KATNA1: variants seen among roughly 807,000 people sequenced by gnomAD.
KATNA1 encodes the protein katanin p60 ATPase-containing subunit A1.
KATNA1 carries 42 observed loss-of-function variants against 62.6 expected under a neutral mutation model. The ratio of observed to expected loss-of-function variants is 0.67; its 90% CI spans 0.52 to 0.87. KATNA1 has a LOEUF of 0.87. Ranked by LOEUF, KATNA1 falls within the 40% of genes least tolerant of loss-of-function variation. The pLI is 0.00. For missense variants in KATNA1, 498 were observed against 612.5 expected (o/e 0.81, Z 1.97); for synonymous variants, 186 against 201.9 (o/e 0.92, Z 0.67).
In KATNA1 at chr6:149,595,000, C is replaced by T. The variant is rs758267633; in HGVS notation, c.*36G>A. 6.5e-7 allele frequency: 1 copy of T among 1,532,012 alleles called. No homozygotes were observed. Among genetic ancestry groups the T allele is most frequent in the South Asian group, 1.1e-5 (1 of 88,944 alleles). 94.9% of individuals were successfully genotyped at this position (1,532,012 alleles called of 1,614,324 possible). ...AATTACTGCATTTAATATTCAAACA[C>T]TTAAGGCACATTTCTCACAGTTTAC... On this transcript the variant is annotated 3_prime_UTR_variant, in exon 11 of 11. Coordinates refer to ENST00000367411, the MANE Select transcript of KATNA1 (RefSeq NM_007044.4).
In KATNA1 at chr6:149,631,780, T is replaced by C. The variant is rs886636874; in HGVS notation, c.320+979A>G. On this transcript the variant is annotated intron_variant, in intron 3 of 10. Transcript: ENST00000367411. ...GTAAGTGAAATAGATAACATCCACC[T>C]GCACACTTGTCAGTTGAAAAATGTG... is the stretch of plus-strand genomic sequence containing the variant. 2.0e-5 allele frequency among the ~76,000 whole-genome samples: 3 copies of C among 152,330 alleles called. No individual in the cohort carries two copies. In the East Asian group the frequency reaches 5.8e-4, roughly 29 times the overall value.
At chr6:149,596,794 C>T (rs751060408) in intron 10 of KATNA1, among the ~76,000 whole-genome samples, 21 of 152,046 alleles carry the variant, frequency 1.4e-4, no homozygotes, top group Non-Finnish European at 2.5e-4. Context: ...AACTCCTGGG[C>T]TCAAGTGATC....
intron 8 of KATNA1, 187 bp downstream of exon 8, chr6:149,598,037 G>C (rs375901748): frequency 6.8e-6 from 4 of 587,800 alleles, no homozygotes; most frequent in East Asian, 2.9e-5. Flanking sequence ...TGTCACCACT[G>C]TCAGTGTACC....
At chr6:149,616,549 CAA>C (rs1779172370) in intron 4 of KATNA1, among the ~76,000 whole-genome samples, 1 of 152,178 alleles carries the variant, frequency 6.6e-6, no homozygotes, top group African/African-American at 2.4e-5. Flanking sequence ...CATCTGAGGT[CAA>C]GAGTTCAAGA....
intron 4 of KATNA1, among the ~76,000 whole-genome samples, chr6:149,621,270 C>G (rs1033720655): frequency 2.0e-5 from 3 of 151,290 alleles, no homozygotes; most frequent in Admixed American, 6.6e-5. Context: ...ACTACAGGCG[C>G]CTGCCACCTC....
intron 1 of KATNA1, among the ~76,000 whole-genome samples, chr6:149,645,467 A>G (rs573925711): frequency 2.0e-5 from 3 of 151,696 alleles, no homozygotes; most frequent in South Asian, 4.2e-4. Flanking sequence ...AAAAAAAAAA[A>G]AAAGAAAGAA....
At chr6:149,640,614 C>A (rs1780242871) in intron 1 of KATNA1, among the ~76,000 whole-genome samples, 1 of 151,984 alleles carries the variant, frequency 6.6e-6, no homozygotes, top group African/African-American at 2.4e-5. Flanking sequence ...GTGGCGCAAT[C>A]TCGGCTCACT....
At chr6:149,637,028 C>T (rs1242529555) in intron 2 of KATNA1, among the ~76,000 whole-genome samples, 2 of 152,044 alleles carry the variant, frequency 1.3e-5, no homozygotes, top group East Asian at 1.9e-4. Flanking sequence ...GTAAGTTCTA[C>T]AATTTCCAAT....
rs200082954 is a variant in KATNA1 at position 149,623,094 on chromosome 6, A to G, written c.501+9T>C. The G allele has an allele frequency of 1.2e-4, 189 of 1,535,904 alleles. No individual in the cohort carries two copies. In the African/African-American group the frequency reaches 2.2e-3, roughly 18 times the overall value. On this transcript the variant is annotated intron_variant, in intron 4 of 10. Transcript: ENST00000367411. ...TAACTTTCATTTATAAAAATCAATTAACATTTACCTTTTCCTCTCTTCCTT... is the reference window on the plus strand; with the variant it reads ...TAACTTTCATTTATAAAAATCAATTGACATTTACCTTTTCCTCTCTTCCTT...
At chr6:149,614,061 C>G (rs1779071386) in intron 4 of KATNA1, among the ~76,000 whole-genome samples, 1 of 152,168 alleles carries the variant, frequency 6.6e-6, no homozygotes, top group South Asian at 2.1e-4. Context: ...GGAAAAAAAT[C>G]CTGTTCTTTA....
chr6:149,630,607 G>A (rs943941023), intron 3 of KATNA1, among the ~76,000 whole-genome samples: 8 of 152,082 alleles, frequency 5.3e-5, no homozygotes, highest in African/African-American at 1.9e-4. Context: ...CAGCCTGGGC[G>A]AAAGAGCAAG....
intron 3 of KATNA1, among the ~76,000 whole-genome samples, chr6:149,627,920 C>A (rs1779680587): frequency 6.6e-6 from 1 of 151,818 alleles, no homozygotes; most frequent in African/African-American, 2.4e-5. Flanking sequence ...AACTTAGGTT[C>A]CAGAGGCTGT....
At chr6:149,615,540 A>G (rs1445602463) in intron 4 of KATNA1, among the ~76,000 whole-genome samples, 2 of 152,142 alleles carry the variant, frequency 1.3e-5, no homozygotes, top group Non-Finnish European at 2.9e-5. Flanking sequence ...ACAGATAGGC[A>G]TATAAAGACT....
intron 3 of KATNA1, among the ~76,000 whole-genome samples, chr6:149,624,785 A>G (rs183684185): frequency 2.0e-5 from 3 of 151,832 alleles, no homozygotes; most frequent in Non-Finnish European, 4.4e-5. Flanking sequence ...GGGGAAAACA[A>G]ACAAACAAAA....
At chr6:149,640,214 T>C (rs1393716279) in intron 1 of KATNA1, among the ~76,000 whole-genome samples, 1 of 152,208 alleles carries the variant, frequency 6.6e-6, no homozygotes, top group Non-Finnish European at 1.5e-5. Flanking sequence ...TGAAACTTTC[T>C]ATATATGAGA....
intron 9 of KATNA1, 44 bp downstream of exon 9, chr6:149,597,463 C>T: frequency 1.2e-6 from 2 of 1,602,092 alleles, no homozygotes; most frequent in Non-Finnish European, 1.7e-6. Context: ...AACAAAACTA[C>T]ATGAAAGTTA....
intron 3 of KATNA1, 75 bp downstream of exon 3, chr6:149,632,684 C>A (rs1779894986): frequency 7.9e-6 from 10 of 1,264,004 alleles, no homozygotes; most frequent in South Asian, 3.5e-5. Context: ...TCTCAGCCAC[C>A]CCATCCTCCT....
intron 1 of KATNA1, among the ~76,000 whole-genome samples, chr6:149,645,456 C>CAAAAAA (rs201041700): frequency 2.4e-5 from 3 of 123,788 alleles, no homozygotes; most frequent in African/African-American, 5.9e-5. Context: ...AAACAAAAAA[C>CAAAAAA]AAAAAAAAAA....
intron 4 of KATNA1, among the ~76,000 whole-genome samples, chr6:149,610,297 C>CA (rs538165106): frequency 0.012 from 1,394 of 114,670 alleles, 12 homozygotes; most frequent in Non-Finnish European, 0.015. Flanking sequence ...GATCCTATCT[C>CA]AAAAAAAAAA....
Sources: allele counts gnomAD v4.1 joint callset (sites outside exome capture counted in the v4.1 genomes callset), GRCh38; gene constraint gnomAD v4.1.1; transcripts MANE v1.5; gene names NCBI Gene and HGNC (gene_info 2026-07-23, HGNC 2026-07-21).